Variants in SH3RF1 observed in about 807,000 individuals in gnomAD.
SH3RF1 encodes the protein SH3 domain containing ring finger 1, also known as E3 ubiquitin-protein ligase SH3RF1.
Under a neutral mutation model 74.0 loss-of-function variants are expected in SH3RF1, and 32 were observed. That is an observed-to-expected ratio of 0.43 (90% CI 0.33 to 0.58). The LOEUF is 0.58. Ranked by LOEUF, SH3RF1 falls within the 20% of genes least tolerant of loss-of-function variation. The probability of loss-of-function intolerance (pLI) is 0.05; values close to 1 mark genes in which losing one functional copy is unlikely to be tolerated. For synonymous variants in SH3RF1, 396 were observed against 439.6 expected, an observed-to-expected ratio of 0.90 and a Z score of 1.24; for missense variants, 954 against 1,130.9, an observed-to-expected ratio of 0.84 and a Z score of 2.24.
At chr4:169,161,994 G>A (rs1220978652) in intron 2 of SH3RF1, among the ~76,000 whole-genome samples, 1 of 152,030 alleles carries the variant, frequency 6.6e-6, no homozygotes, top group African/African-American at 2.4e-5. Flanking sequence ...CAGCCTGGAT[G>A]ACATGGCAAA....
At chr4:169,156,756 A>T in intron 2 of SH3RF1, 77 bp from the exon 3 acceptor site, 3 of 1,388,910 alleles carry the variant, frequency 2.2e-6, no homozygotes, top group East Asian at 2.3e-5. Flanking sequence ...CTGCGTTGTC[A>T]TTGTTTTAAA....
intron 6 of SH3RF1, among the ~76,000 whole-genome samples, chr4:169,128,224 G>T (rs139070494): frequency 0.011 from 1,673 of 152,296 alleles, 12 homozygotes; most frequent in Non-Finnish European, 0.015. Context: ...AAAGGAGAGA[G>T]TCTCCCCTGG....
In SH3RF1 at chr4:169,192,863, G is replaced by GAT. The variant is rs570960034; in HGVS notation, c.394-36186_394-36185dup. The stretch of plus-strand genomic sequence containing the variant: ...TGTGATATATATATCATATAGATGT[G>GAT]ATATATATATCATATATATGTGATA... On this transcript the variant is annotated intron_variant, in intron 2 of 11. Transcript: ENST00000284637. 5.0e-3 allele frequency among the ~76,000 whole-genome samples: 720 copies of GAT among 145,196 alleles called. 2 individuals are homozygous for GAT. The highest frequency in any genetic ancestry group is 7.4e-3 in the Admixed American group (107 of 14,388).
chr4:169,206,712 G>A (rs1018938039), intron 2 of SH3RF1, among the ~76,000 whole-genome samples: 4 of 152,086 alleles, frequency 2.6e-5, no homozygotes, highest in Non-Finnish European at 5.9e-5. Context: ...CCTTTATAGG[G>A]TGCACAGAGG....
At chr4:169,156,205 T>C (rs538702158) in intron 3 of SH3RF1, among the ~76,000 whole-genome samples, 199 bp downstream of exon 3, 2 of 152,178 alleles carry the variant, frequency 1.3e-5, no homozygotes, top group Non-Finnish European at 2.9e-5. Context: ...ACCAAGATAA[T>C]CTTTCATATA....
rs183517606 is a variant in SH3RF1 at position 169,223,399 on chromosome 4, C to T, written c.393+45421G>A. On this transcript the variant is annotated intron_variant, in intron 2 of 11. Coordinates refer to ENST00000284637, the MANE Select transcript of SH3RF1 (RefSeq NM_020870.4). Reference sequence around the variant, plus strand: ...GTGAAAGGGGTGGTGGCTAAAATGGCCCTAAAAGGATGGGTAGGAATTAGA... The same window carrying T: ...GTGAAAGGGGTGGTGGCTAAAATGGTCCTAAAAGGATGGGTAGGAATTAGA... Among the ~76,000 whole-genome samples, 434 of 152,180 alleles carry T rather than the reference C, an allele frequency of 2.9e-3. 3 individuals are homozygous for T. The highest frequency in any genetic ancestry group is 7.6e-3 in the Admixed American group (116 of 15,280).
intron 2 of SH3RF1, among the ~76,000 whole-genome samples, chr4:169,198,631 A>G (rs1734860299): frequency 6.6e-6 from 1 of 152,152 alleles, no homozygotes; most frequent in South Asian, 2.1e-4. Context: ...ATTTGTATAA[A>G]TCTTTACACA....
intron 2 of SH3RF1, among the ~76,000 whole-genome samples, chr4:169,168,980 C>G (rs934510195): frequency 6.6e-6 from 1 of 152,168 alleles, no homozygotes; most frequent in African/African-American, 2.4e-5. Context: ...CTTCAATACT[C>G]CAAAGTCTGT....
intron 10 of SH3RF1, 109 bp downstream of exon 10, chr4:169,116,160 G>A (rs1017480958): frequency 6.7e-7 from 1 of 1,485,066 alleles, no homozygotes; most frequent in Non-Finnish European, 9.0e-7. Flanking sequence ...GCACCTGAGG[G>A]TTTGTTGAAC....
chr4:169,151,382 TC>T (rs1378929040), intron 4 of SH3RF1, among the ~76,000 whole-genome samples: 7 of 152,358 alleles, frequency 4.6e-5, no homozygotes, highest in Admixed American at 3.9e-4. Context: ...CAGGCACTAT[TC>T]TTAAGTATCA....
At chr4:169,257,824 C>T (rs890371839) in intron 2 of SH3RF1, among the ~76,000 whole-genome samples, 2 of 152,180 alleles carry the variant, frequency 1.3e-5, no homozygotes, top group Non-Finnish European at 2.9e-5. Flanking sequence ...AGAGCTTAAT[C>T]CAAAGTCAGG....
At chr4:169,252,320 A>G (rs1158676779) in intron 2 of SH3RF1, among the ~76,000 whole-genome samples, 8 of 152,254 alleles carry the variant, frequency 5.3e-5, no homozygotes, top group Non-Finnish European at 1.2e-4. Flanking sequence ...TCAAGATTAT[A>G]AAATATCTTG....
intron 4 of SH3RF1, among the ~76,000 whole-genome samples, chr4:169,144,993 C>T (rs1226015482): frequency 3.3e-5 from 5 of 152,102 alleles, no homozygotes; most frequent in African/African-American, 1.2e-4. Flanking sequence ...CCCAGGCCAA[C>T]CATCCAACCA....
Position 169,107,011 on chromosome 4 carries a change from G to A in SH3RF1, c.2334C>T (p.Asp778=), listed in dbSNP as rs199529724. The change falls in exon 11 of 12, where the codon GAC becomes GAT. Residue 778 remains aspartate, a synonymous_variant. Transcript: ENST00000284637. The stretch of plus-strand genomic sequence containing the variant: ...CTGCCACTGCAGTCGTGACCGGTCC[G>A]TCCCCGTCCACAGGGCAGGAGCCTG... ...GRAGSCPVDG[D]GPVTTAVAGA... is the part of the protein sequence containing the mutation. 17 of 1,613,908 alleles carry A rather than the reference G, an allele frequency of 1.1e-5. No individual in the cohort carries two copies. Among genetic ancestry groups the A allele is most frequent in the South Asian group, 6.6e-5 (6 of 91,076 alleles).
At chr4:169,122,407 G>C in intron 6 of SH3RF1, 141 bp from the exon 7 acceptor site, 1 of 934,372 alleles carries the variant, frequency 1.1e-6, no homozygotes, top group Non-Finnish European at 1.6e-6. Flanking sequence ...GGCAGAATCA[G>C]CAGGCTAACT....
intron 4 of SH3RF1, among the ~76,000 whole-genome samples, chr4:169,139,794 C>T (rs1167426524): frequency 2.0e-5 from 3 of 152,154 alleles, no homozygotes; most frequent in Non-Finnish European, 4.4e-5. Flanking sequence ...AGTCCTAGCA[C>T]AGCCATTACC....
chr4:169,156,769 C>A, intron 2 of SH3RF1, 90 bp from the exon 3 acceptor site: 1 of 1,292,750 alleles, frequency 7.7e-7, no homozygotes, highest in Non-Finnish European at 1.1e-6. Flanking sequence ...GTTTTAAAGT[C>A]AAAGTCAAAA....
At chr4:169,185,595 G>A (rs1734587394) in intron 2 of SH3RF1, among the ~76,000 whole-genome samples, 1 of 152,178 alleles carries the variant, frequency 6.6e-6, no homozygotes, top group African/African-American at 2.4e-5. Flanking sequence ...TGAAGGCCTA[G>A]GGTACCGAGA....
intron 4 of SH3RF1, among the ~76,000 whole-genome samples, chr4:169,153,507 C>T (rs1425770313): frequency 6.6e-6 from 1 of 152,148 alleles, no homozygotes; most frequent in Non-Finnish European, 1.5e-5. Flanking sequence ...GAAAAAGCCC[C>T]AGTTTTTATT....
Sources: allele counts gnomAD v4.1 joint callset (sites outside exome capture counted in the v4.1 genomes callset), GRCh38; gene constraint gnomAD v4.1.1; transcripts MANE v1.5; gene names NCBI Gene and HGNC (gene_info 2026-07-23, HGNC 2026-07-21).